BRCA1: variants seen among roughly 807,000 people sequenced by gnomAD.
The protein encoded by BRCA1 is BRCA1 DNA repair associated, also known as breast cancer type 1 susceptibility protein.
A neutral mutation model predicts 173.7 loss-of-function variants in BRCA1; 140 were observed. That is an observed-to-expected ratio of 0.81 (90% CI 0.70 to 0.93). The LOEUF (loss-of-function observed/expected upper bound fraction) is 0.93, where lower values mean the gene tolerates loss of function less well. Ranked by LOEUF, BRCA1 falls within the 40% of genes least tolerant of loss-of-function variation. The pLI is 0.00. For missense variants in BRCA1, 1,983 were observed against 2,172.5 expected (o/e 0.91, Z 1.73); for synonymous variants, 662 against 756.0 (o/e 0.88, Z 2.04).
At chr17:43,134,653 A>C (rs1443979447) in intron 1 of BRCA1, among the ~76,000 whole-genome samples, 1 of 152,120 alleles carries the variant, frequency 6.6e-6, no homozygotes, top group African/African-American at 2.4e-5. Context: ...AGTTGTCTCT[A>C]TGTCCTTATT....
chr17:43,155,121 T>G (rs1237306995), intron 1 of BRCA1, among the ~76,000 whole-genome samples: 6 of 152,044 alleles, frequency 3.9e-5, no homozygotes, highest in Non-Finnish European at 7.4e-5. Context: ...CTGGTAACTT[T>G]TGGTAGGAAC....
At chr17:43,131,822 CA>C (rs1424229530) in intron 1 of BRCA1, among the ~76,000 whole-genome samples, 1 of 152,030 alleles carries the variant, frequency 6.6e-6, no homozygotes, top group African/African-American at 2.4e-5. Context: ...CTCACTCTGT[CA>C]TCCAGGCTGC....
At chr17:43,109,361 A>T (rs1424791587) in intron 3 of BRCA1, among the ~76,000 whole-genome samples, 2 of 152,126 alleles carry the variant, frequency 1.3e-5, no homozygotes, top group African/African-American at 4.8e-5. Flanking sequence ...AATGAAGGTT[A>T]TATTGGATCC....
Position 43,071,033 on chromosome 17 carries a change from T to C in BRCA1, c.4881A>G (p.Ala1627=), listed in dbSNP as rs1425743425. The C allele has an allele frequency of 6.2e-7, 1 of 1,614,222 alleles. No homozygotes were observed. Among genetic ancestry groups the C allele is most frequent in the African/African-American group, 1.3e-5 (1 of 75,050 alleles). ...TCTCCCTGCTCACACTTTCTTCCAT[T>C]GCATTATACCCAGCAGTATCAGTAG... The part of the protein sequence containing the change: ...AHTTDTAGYN[A]MEESVSREKP... The change falls in exon 15 of 23, where the codon GCA becomes GCG. Residue 1627 remains alanine, a synonymous_variant. Transcript: ENST00000357654.
At chr17:43,059,655 A>C (rs1243849191) in intron 18 of BRCA1, among the ~76,000 whole-genome samples, 3 of 151,958 alleles carry the variant, frequency 2.0e-5, no homozygotes, top group Non-Finnish European at 4.4e-5. Flanking sequence ...CCCAAGTGTC[A>C]CTCCTTCAAT....
intron 12 of BRCA1, 52 bp downstream of exon 12, chr17:43,082,352 G>C (rs1597847449): frequency 1.3e-6 from 2 of 1,574,566 alleles, no homozygotes; most frequent in East Asian, 4.5e-5. Flanking sequence ...GGAGATAAAG[G>C]GGAAGGAAAG....
intron 14 of BRCA1, among the ~76,000 whole-genome samples, chr17:43,073,649 GC>G (rs1270073176): frequency 2.0e-5 from 3 of 151,898 alleles, no homozygotes; most frequent in African/African-American, 7.3e-5. Flanking sequence ...AAAAAAACTT[GC>G]TTTGGGATTT....
intron 6 of BRCA1, among the ~76,000 whole-genome samples, chr17:43,101,226 T>G (rs1198449241): frequency 1.3e-5 from 2 of 151,964 alleles, no homozygotes; most frequent in African/African-American, 4.8e-5. Flanking sequence ...AGACAGAGTC[T>G]TGTTCTGTTG....
chr17:43,144,505 T>TC (rs2056103999), intron 1 of BRCA1, among the ~76,000 whole-genome samples: 1 of 152,140 alleles, frequency 6.6e-6, no homozygotes, highest in Non-Finnish European at 1.5e-5. Context: ...AGGATATGTT[T>TC]TTAGGTCTGG....
At chr17:43,065,403 TCA>T (rs1171760299) in intron 16 of BRCA1, among the ~76,000 whole-genome samples, 1 of 152,126 alleles carries the variant, frequency 6.6e-6, no homozygotes, top group Non-Finnish European at 1.5e-5. Context: ...GCGCGATGGC[TCA>T]CACCTGTAAT....
chr17:43,152,927 C>T lies in BRCA1; in HGVS notation c.-20+17199G>A, dbSNP rs796067421. ...GTGGGTGCCTGTAATCCCAGCTACT[C>T]GAGAGGCTGAGGCAGGAGAATCCCT... is the stretch of plus-strand genomic sequence containing the variant. On this transcript the variant is annotated intron_variant, in intron 1 of 7. Coordinates refer to the BRCA1 transcript ENST00000634433. Among the ~76,000 whole-genome samples the T allele has an allele frequency of 5.3e-5, 8 of 151,786 alleles. No homozygotes were observed. The South Asian group carries it at 1.0e-3, about 20-fold the overall frequency.
At chr17:43,137,445 AAG>A (rs919596001) in intron 1 of BRCA1, among the ~76,000 whole-genome samples, 3 of 151,840 alleles carry the variant, frequency 2.0e-5, no homozygotes, top group Non-Finnish European at 4.4e-5. Flanking sequence ...AAAAAAAAAA[AAG>A]AATAAAAGAG....
intron 11 of BRCA1, among the ~76,000 whole-genome samples, chr17:43,088,559 G>C (rs532898260): frequency 3.3e-5 from 5 of 152,022 alleles, no homozygotes; most frequent in African/African-American, 1.2e-4. Flanking sequence ...TTGTTTATCT[G>C]TATTTTCTAA....
In BRCA1 at chr17:43,044,871, T is replaced by A; in HGVS notation, c.*807A>T. On this transcript the variant is annotated 3_prime_UTR_variant, in exon 23 of 23. Coordinates refer to ENST00000357654, the MANE Select transcript of BRCA1 (RefSeq NM_007294.4). ...CAGGCTGGAGTGCCGTGGTATGATC[T>A]TGGCTCACTGCAACCTCCACCTCCC... 1 of 476,702 alleles carries A rather than the reference T, an allele frequency of 2.1e-6. No homozygotes were observed. The highest frequency in any genetic ancestry group is 2.4e-5 in the Admixed American group (1 of 41,022). 29.5% of individuals were successfully genotyped at this position (476,702 alleles called of 1,614,324 possible). A position where few individuals can be genotyped will look rare whatever the true frequency, so the allele number is the denominator to read the frequency against.
In BRCA1 at chr17:43,082,539, G is replaced by A. The variant is rs80356989; in HGVS notation, c.4222C>T (p.Gln1408Ter). The A allele has an allele frequency of 1.9e-6, 3 of 1,614,036 alleles. No homozygotes were observed. The highest frequency in any genetic ancestry group is 2.5e-6 in the Non-Finnish European group (3 of 1,180,040). The change falls in exon 12 of 23, where the codon CAG becomes TAG. Residue 1408 changes from glutamine (Q) to a stop codon, truncating the protein, a stop_gained. Transcript: ENST00000357654. LOFTEE classifies it high-confidence loss of function. ...DTMQHNLIKL[Q>*]QEMAELEAVL... Reference sequence around the variant, plus strand: ...GCTTCTAGTTCAGCCATTTCCTGCTGGAGCTTTATCAGGTTATGTTGCATG... The same window carrying A: ...GCTTCTAGTTCAGCCATTTCCTGCTAGAGCTTTATCAGGTTATGTTGCATG...
intron 1 of BRCA1, among the ~76,000 whole-genome samples, chr17:43,152,168 A>T (rs1325757056): frequency 2.6e-5 from 4 of 152,206 alleles, no homozygotes; most frequent in African/African-American, 9.6e-5. Flanking sequence ...GTTTGTTTAC[A>T]GCTGTGTCAT....
At chr17:43,089,149 C>G (rs1014434057) in intron 11 of BRCA1, among the ~76,000 whole-genome samples, 1 of 151,946 alleles carries the variant, frequency 6.6e-6, no homozygotes, top group African/African-American at 2.4e-5. Flanking sequence ...CCTCTCTCTA[C>G]TAAAAAAATA....
intron 8 of BRCA1, among the ~76,000 whole-genome samples, 183 bp from the exon 9 acceptor site, chr17:43,096,105 G>A (rs1326512922): frequency 6.6e-6 from 1 of 152,016 alleles, no homozygotes. Flanking sequence ...TGCTGGGCAC[G>A]GTGGCTCAAG....
At chr17:43,102,110 G>A (rs2054503528) in intron 6 of BRCA1, among the ~76,000 whole-genome samples, 2 of 150,900 alleles carry the variant, frequency 1.3e-5, no homozygotes, top group African/African-American at 2.4e-5. Context: ...TCACTCTGTC[G>A]CCCAGGCTGG....
Sources: gnomAD v4.1 joint callset for allele counts (sites outside exome capture counted in the v4.1 genomes callset) on GRCh38, gnomAD v4.1.1 for gene constraint, MANE v1.5 for transcripts, NCBI Gene and HGNC (gene_info 2026-07-23, HGNC 2026-07-21) for gene names.